PTPRM: variants seen among roughly 807,000 people sequenced by gnomAD.
PTPRM encodes the protein receptor-type tyrosine-protein phosphatase mu.
A neutral mutation model predicts 186.7 loss-of-function variants in PTPRM; 47 were observed. The observed-to-expected ratio is 0.25, with a 90% CI of 0.20 to 0.32. The LOEUF (loss-of-function observed/expected upper bound fraction) is 0.32, where lower values mean the gene tolerates loss of function less well. Among genes scored for constraint, PTPRM ranks in the 10% least tolerant of loss-of-function variants. The pLI is 1.00. For synonymous variants in PTPRM, 668 were observed against 674.9 expected (o/e 0.99, Z 0.16); for missense variants, 1,494 against 1,865.0 (o/e 0.80, Z 3.66).
At chr18:7,870,686 C>T (rs939422014) in intron 2 of PTPRM, among the ~76,000 whole-genome samples, 1 of 152,148 alleles carries the variant, frequency 6.6e-6, no homozygotes, top group African/African-American at 2.4e-5. Context: ...TATTAAATCA[C>T]CTGAATATTT....
intron 1 of PTPRM, among the ~76,000 whole-genome samples, chr18:7,666,146 G>A (rs2039089998): frequency 6.6e-6 from 1 of 152,150 alleles, no homozygotes; most frequent in South Asian, 2.1e-4. Flanking sequence ...AGCTATTGAA[G>A]TTTTATTTAA....
intron 8 of PTPRM, among the ~76,000 whole-genome samples, chr18:8,075,444 A>G (rs2089748557): frequency 6.6e-6 from 1 of 152,120 alleles, no homozygotes; most frequent in African/African-American, 2.4e-5. Flanking sequence ...CCCAAAATAT[A>G]TGCATATTTA....
At chr18:7,570,894 GATGACATTGCTTACTTATA>G (rs1395073836) in intron 1 of PTPRM, among the ~76,000 whole-genome samples, 1 of 151,540 alleles carries the variant, frequency 6.6e-6, no homozygotes, top group Non-Finnish European at 1.5e-5. Context: ...TTGGGCCTGT[GATGACATTGCTTACTTATA>G]ATGATGGATT....
intron 14 of PTPRM, among the ~76,000 whole-genome samples, chr18:8,216,787 A>G (rs2094092208): frequency 6.6e-6 from 1 of 152,204 alleles, no homozygotes; most frequent in African/African-American, 2.4e-5. Flanking sequence ...TTTGACCAAT[A>G]TTTTTATTTT....
intron 22 of PTPRM, among the ~76,000 whole-genome samples, chr18:8,341,397 G>A (rs912402566): frequency 6.6e-6 from 1 of 152,204 alleles, no homozygotes; most frequent in Non-Finnish European, 1.5e-5. Flanking sequence ...AAACGAAGAA[G>A]GCTGAGTTCC....
At position 8,406,119 on chromosome 18, in the gene PTPRM, A is replaced by T. The variant is rs781554415; in HGVS notation, c.4355A>T (p.Lys1452Met). ...PNMVDLLDQY[K>M]FCYEVALEYL... Reference sequence around the variant, plus strand: ...CCTCCTGTTTTCCAGGATCAGTACAAGTTCTGCTACGAGGTGGCCCTGGAA... The same window carrying T: ...CCTCCTGTTTTCCAGGATCAGTACATGTTCTGCTACGAGGTGGCCCTGGAA... Residue 1452 changes from lysine to methionine, a missense_variant, in exon 33 of 33, where the codon AAG becomes ATG. Physicochemically the swap from Lys to Met is moderately conservative, Grantham distance 95 (BLOSUM62 -1). This residue lies in a region of PTPRM where 1,107 missense variants were observed against 1,350.2 expected (regional missense o/e 0.82). Coordinates refer to ENST00000580170, the MANE Select transcript of PTPRM (RefSeq NM_001105244.2). The T allele has an allele frequency of 6.2e-7, 1 of 1,614,180 alleles. No homozygotes were observed. Among genetic ancestry groups the T allele is most frequent in the Non-Finnish European group, 8.5e-7 (1 of 1,180,012 alleles).
chr18:7,841,281 CTTTTT>C (rs34688860), intron 2 of PTPRM, among the ~76,000 whole-genome samples: 2 of 70,200 alleles, frequency 2.8e-5, no homozygotes, highest in African/African-American at 6.5e-5. Flanking sequence ...CAAATCATTT[CTTTTT>C]TTTTTTTTTT....
intron 1 of PTPRM, among the ~76,000 whole-genome samples, chr18:7,626,256 G>T (rs2144029506): frequency 6.6e-6 from 1 of 152,304 alleles, no homozygotes; most frequent in East Asian, 1.9e-4. Flanking sequence ...CATAGGAAAT[G>T]CCCTTCCCTC....
rs190854814 is a variant in PTPRM at position 7,941,701 on chromosome 18, G to A, written c.664-7480G>A. Among the ~76,000 whole-genome samples the A allele has an allele frequency of 3.9e-4, 59 of 152,352 alleles. No individual in the cohort carries two copies. The East Asian group carries it at 0.01, about 26-fold the overall frequency. On this transcript the variant is annotated intron_variant, in intron 5 of 32. Transcript: ENST00000580170. Reference sequence around the variant, plus strand: ...CAAGGCACCAGAAACAGACGTCAGCGTTGGTGCCAACGAGCAGCTGCGACT... The same window carrying A: ...CAAGGCACCAGAAACAGACGTCAGCATTGGTGCCAACGAGCAGCTGCGACT...
intron 1 of PTPRM, among the ~76,000 whole-genome samples, chr18:7,607,875 A>G (rs2037573671): frequency 6.6e-6 from 1 of 152,170 alleles, no homozygotes; most frequent in Non-Finnish European, 1.5e-5. Context: ...GCTGTCTGAT[A>G]TTTAATCCCG....
chr18:7,724,931 A>C (rs2144886547), intron 1 of PTPRM, among the ~76,000 whole-genome samples: 1 of 152,328 alleles, frequency 6.6e-6, no homozygotes, highest in Non-Finnish European at 1.5e-5. Context: ...CCAGTTACAT[A>C]AACGGGTAGT....
Position 8,314,799 on chromosome 18 carries a change from G to A in PTPRM, c.2861G>A (p.Arg954Lys), listed in dbSNP as rs2095296346. 1 of 1,612,030 alleles carries A rather than the reference G, an allele frequency of 6.2e-7. No homozygotes were observed. Among genetic ancestry groups the A allele is most frequent in the Non-Finnish European group, 8.5e-7 (1 of 1,178,736 alleles). Residue 954 changes from arginine to lysine, a missense_variant, in exon 21 of 33, where the codon AGG becomes AAG. Transcript: ENST00000580170. ...TTTGCAGACGATCATTCCCGAGTGA[G>A]GCTGCAGACAATAGAAGGAGACACA... ...NIIAYDHSRV[R>K]LQTIEGDTNS...
At chr18:8,264,225 T>C (rs2094670873) in intron 19 of PTPRM, among the ~76,000 whole-genome samples, 1 of 152,234 alleles carries the variant, frequency 6.6e-6, no homozygotes, top group South Asian at 2.1e-4. Flanking sequence ...TGGCTTTTCC[T>C]ATCTCTTACC....
At chr18:7,773,562 TTTTC>T (rs1474351679) in intron 1 of PTPRM, among the ~76,000 whole-genome samples, 3 of 101,302 alleles carry the variant, frequency 3.0e-5, no homozygotes, top group African/African-American at 1.1e-4. Flanking sequence ...CTTTTTTTTC[TTTTC>T]TTTGTTTTTT....
At chr18:7,674,880 A>G (rs1011482440) in intron 1 of PTPRM, among the ~76,000 whole-genome samples, 1 of 152,200 alleles carries the variant, frequency 6.6e-6, no homozygotes, top group Non-Finnish European at 1.5e-5. Context: ...GAACACTATG[A>G]TTTTGCTTAT....
intron 2 of PTPRM, among the ~76,000 whole-genome samples, chr18:7,788,694 A>T (rs888913556): frequency 6.6e-6 from 1 of 152,238 alleles, no homozygotes; most frequent in Non-Finnish European, 1.5e-5. Context: ...AGCAAATCCC[A>T]TAGGTGAATA....
intron 11 of PTPRM, among the ~76,000 whole-genome samples, chr18:8,099,159 T>TCTCTC (rs879773463): frequency 1.3e-5 from 2 of 149,444 alleles, no homozygotes; most frequent in African/African-American, 2.5e-5. Context: ...CTCTCTCTCT[T>TCTCTC]TCTCTCTCTC....
At chr18:8,118,895 T>C (rs2092067403) in intron 13 of PTPRM, among the ~76,000 whole-genome samples, 3 of 150,704 alleles carry the variant, frequency 2.0e-5, no homozygotes, top group East Asian at 3.9e-4. Flanking sequence ...ATTTTACATG[T>C]GGCCCAAGAC....
chr18:8,052,819 T>C (rs1345788507), intron 7 of PTPRM, among the ~76,000 whole-genome samples: 3 of 152,196 alleles, frequency 2.0e-5, no homozygotes, highest in Non-Finnish European at 4.4e-5. Flanking sequence ...ACACATTGCA[T>C]TGATCTACAT....
Sources: allele counts gnomAD v4.1 joint callset (sites outside exome capture counted in the v4.1 genomes callset), GRCh38; gene constraint gnomAD v4.1.1; regional missense constraint gnomAD v4.1.1; transcripts MANE v1.5; gene names NCBI Gene and HGNC (gene_info 2026-07-23, HGNC 2026-07-21).